RBFOX1: variants seen among roughly 807,000 people sequenced by gnomAD.
The protein encoded by RBFOX1 is RNA binding protein fox-1 homolog 1.
RBFOX1 carries 8 observed loss-of-function variants against 57.7 expected under a neutral mutation model. The ratio of observed to expected loss-of-function variants is 0.14; its 90% CI spans 0.08 to 0.25. RBFOX1 has a LOEUF of 0.25. Ranked by LOEUF, RBFOX1 falls within the 10% of genes least tolerant of loss-of-function variation. The pLI, the probability that RBFOX1 is intolerant of heterozygous loss-of-function variation, is 1.00. For missense variants in RBFOX1, 611 were observed against 548.5 expected, an observed-to-expected ratio of 1.11 and a Z score of -1.14; for synonymous variants, 326 against 222.4, an observed-to-expected ratio of 1.47 and a Z score of -4.15.
At chr16:7,557,956 G>C (rs113080074) in intron 5 of RBFOX1, among the ~76,000 whole-genome samples, 7 of 152,090 alleles carry the variant, frequency 4.6e-5, no homozygotes. Flanking sequence ...CCACCATCCA[G>C]ATACTCTAAA....
chr16:6,303,601 G>C (rs1174006527), intron 1 of RBFOX1, among the ~76,000 whole-genome samples: 1 of 151,968 alleles, frequency 6.6e-6, no homozygotes, highest in Admixed American at 6.6e-5. Context: ...TCCAGTTTAT[G>C]CCATTGTGTA....
chr16:7,317,175 G>C (rs565075963), intron 4 of RBFOX1, among the ~76,000 whole-genome samples: 2 of 152,130 alleles, frequency 1.3e-5, no homozygotes, highest in Non-Finnish European at 2.9e-5. Context: ...TGGACTAGGA[G>C]TGGACAGAAA....
chr16:7,436,535 C>G (rs972898761), intron 4 of RBFOX1, among the ~76,000 whole-genome samples: 2 of 152,200 alleles, frequency 1.3e-5, no homozygotes, highest in African/African-American at 4.8e-5. Context: ...TCCAACAACT[C>G]TAGGGGGCAG....
At chr16:5,261,999 A>T (rs2062746983) in intron 1 of RBFOX1, among the ~76,000 whole-genome samples, 1 of 152,188 alleles carries the variant, frequency 6.6e-6, no homozygotes, top group African/African-American at 2.4e-5. Context: ...CTCTTTTGAT[A>T]ATTTGTCTGG....
At chr16:6,752,440 G>A (rs2075096956) in intron 3 of RBFOX1, among the ~76,000 whole-genome samples, 1 of 152,166 alleles carries the variant, frequency 6.6e-6, no homozygotes, top group Non-Finnish European at 1.5e-5. Flanking sequence ...GTTTCAAGTA[G>A]TTGTAGAATT....
Position 7,188,895 on chromosome 16 carries a change from A to T in RBFOX1, c.27+136797A>T, listed in dbSNP as rs74782035. Among the ~76,000 whole-genome samples, 1,365 of 152,290 alleles carry T rather than the reference A, an allele frequency of 9.0e-3. 20 individuals carry two copies. Among genetic ancestry groups the T allele is most frequent in the African/African-American group, 0.031 (1,296 of 41,556 alleles). On this transcript the variant is annotated intron_variant, in intron 4 of 15. Coordinates refer to ENST00000550418, the MANE Select transcript of RBFOX1 (RefSeq NM_018723.4). ...AAAAGGTTTAAGGAACAGAGGATAC[A>T]GACAGCTAAGGATTGGGGAAAGTTC...
chr16:6,936,979 T>C (rs543722356), intron 3 of RBFOX1, among the ~76,000 whole-genome samples: 1 of 148,630 alleles, frequency 6.7e-6, no homozygotes, highest in Non-Finnish European at 1.5e-5. Flanking sequence ...CATTGGGAGA[T>C]ATACCTAATG....
intron 3 of RBFOX1, among the ~76,000 whole-genome samples, chr16:6,794,934 C>T (rs1242237449): frequency 6.6e-6 from 1 of 152,082 alleles, no homozygotes; most frequent in African/African-American, 2.4e-5. Flanking sequence ...AAACTGAGAC[C>T]TCAAATATTG....
At chr16:7,328,767 G>A (rs1227220478) in intron 4 of RBFOX1, 1 of 152,008 alleles carries the variant, frequency 6.6e-6, no homozygotes, top group Non-Finnish European at 1.5e-5. Flanking sequence ...GGAGAGAGAA[G>A]AAGATAGTGG....
chr16:7,002,143 A>C (rs1035541603), intron 3 of RBFOX1, among the ~76,000 whole-genome samples: 1 of 151,886 alleles, frequency 6.6e-6, no homozygotes, highest in Non-Finnish European at 1.5e-5. Flanking sequence ...AGGTGAGTCT[A>C]GGGTTATTGT....
intron 4 of RBFOX1, among the ~76,000 whole-genome samples, chr16:7,175,685 T>C (rs900384546): frequency 1.3e-5 from 2 of 152,208 alleles, no homozygotes; most frequent in Non-Finnish European, 2.9e-5. Flanking sequence ...TGTTACCCTG[T>C]CAGTTCAAGC....
chr16:5,443,085 G>A (rs1236921555), intron 1 of RBFOX1, among the ~76,000 whole-genome samples: 1 of 152,168 alleles, frequency 6.6e-6, no homozygotes, highest in Non-Finnish European at 1.5e-5. Context: ...TTTGGAGGGA[G>A]GGTAGCCTGC....
intron 4 of RBFOX1, among the ~76,000 whole-genome samples, chr16:7,440,261 A>T (rs1030277364): frequency 6.6e-6 from 1 of 152,208 alleles, no homozygotes; most frequent in African/African-American, 2.4e-5. Context: ...ATTAAACAGC[A>T]GAGAGTTTGT....
intron 14 of RBFOX1, among the ~76,000 whole-genome samples, chr16:7,688,472 C>T (rs983639575): frequency 6.6e-6 from 1 of 151,980 alleles, no homozygotes; most frequent in African/African-American, 2.4e-5. Context: ...CACCTGCCCG[C>T]ACCAAAAGTT....
At chr16:6,267,783 T>G (rs2074707518) in intron 1 of RBFOX1, among the ~76,000 whole-genome samples, 1 of 152,104 alleles carries the variant, frequency 6.6e-6, no homozygotes, top group Non-Finnish European at 1.5e-5. Context: ...TAACCAGGTG[T>G]GTGGCTATTC....
intron 4 of RBFOX1, among the ~76,000 whole-genome samples, chr16:7,399,805 G>A (rs1027167431): frequency 1.3e-5 from 2 of 152,194 alleles, no homozygotes; most frequent in Non-Finnish European, 2.9e-5. Flanking sequence ...GGCACGAGGG[G>A]TTAAGACTTA....
intron 1 of RBFOX1, among the ~76,000 whole-genome samples, chr16:6,228,994 T>A (rs11643273): frequency 0.19 from 28,714 of 152,090 alleles, 3,450 homozygotes; most frequent in East Asian, 0.41. Context: ...TTATATTAAA[T>A]GATGCACAAA....
chr16:7,309,578 C>T (rs145351800), intron 4 of RBFOX1, among the ~76,000 whole-genome samples: 8 of 152,262 alleles, frequency 5.3e-5, no homozygotes, highest in Admixed American at 1.3e-4. Context: ...TTACAGCTGA[C>T]CCTTGAGTAA....
chr16:6,995,553 T>G (rs111413154), intron 3 of RBFOX1, among the ~76,000 whole-genome samples: 4,818 of 152,052 alleles, frequency 0.032, 117 homozygotes, highest in Non-Finnish European at 0.046. Flanking sequence ...TCACCTTAGG[T>G]CAGGATCACC....
Sources: allele counts gnomAD v4.1 joint callset (sites outside exome capture counted in the v4.1 genomes callset), GRCh38; gene constraint gnomAD v4.1.1; transcripts MANE v1.5; gene names NCBI Gene and HGNC (gene_info 2026-07-23, HGNC 2026-07-21).